CHP1: variants seen among roughly 807,000 people sequenced by gnomAD.
CHP1 encodes the protein calcineurin like EF-hand protein 1.
A neutral mutation model predicts 27.4 loss-of-function variants in CHP1; 11 were observed. That is an observed-to-expected ratio of 0.40 (90% CI 0.25 to 0.67). The LOEUF (loss-of-function observed/expected upper bound fraction) is 0.67, where lower values mean the gene tolerates loss of function less well. CHP1 is among the 30% of genes least tolerant of loss of function. CHP1 has a pLI of 0.38. For synonymous variants in CHP1, 89 were observed against 87.4 expected, an observed-to-expected ratio of 1.02 and a Z score of -0.10; for missense variants, 169 against 251.3, an observed-to-expected ratio of 0.67 and a Z score of 2.22.
chr15:41,268,217 C>T (rs2047471594), intron 4 of CHP1, among the ~76,000 whole-genome samples: 1 of 152,126 alleles, frequency 6.6e-6, no homozygotes, highest in Non-Finnish European at 1.5e-5. Context: ...AGGGAGATGT[C>T]ACTATAGAAA....
Position 41,278,782 on chromosome 15 carries a change from G to A in CHP1, c.427G>A (p.Val143Ile), listed in dbSNP as rs1358596309. Residue 143 changes from valine (V) to isoleucine (I), a missense_variant, in exon 6 of 7, where the codon GTC becomes ATC. Val to Ile is a conservative substitution (Grantham distance 29). Transcript: ENST00000334660. ...DELLQVLRMM[V>I]GVNISDEQLG... ...GGTCTTCCAGGTGCTACGCATGATG[G>A]TCGGAGTAAATATCTCAGATGAGCA... The A allele has an allele frequency of 6.2e-7, 1 of 1,614,132 alleles. No individual in the cohort carries two copies. Among genetic ancestry groups the A allele is most frequent in the Non-Finnish European group, 8.5e-7 (1 of 1,180,024 alleles).
intron 2 of CHP1, among the ~76,000 whole-genome samples, chr15:41,253,701 G>A (rs942600510): frequency 2.0e-5 from 3 of 151,590 alleles, no homozygotes; most frequent in Non-Finnish European, 4.4e-5. Context: ...TGATCCTCCC[G>A]CCTCGGCCTC....
chr15:41,273,211 AT>A (rs2047500414), intron 5 of CHP1, among the ~76,000 whole-genome samples: 2 of 152,134 alleles, frequency 1.3e-5, no homozygotes, highest in Admixed American at 1.3e-4. Flanking sequence ...CCAAGGATGT[AT>A]TATAGCCAAG....
rs754853822 is a variant in CHP1, at chr15:41,262,819, T to C, written c.285T>C (p.Asp95=). The C allele has an allele frequency of 1.2e-6, 2 of 1,614,008 alleles. No homozygotes were observed. The highest frequency in any genetic ancestry group is 3.3e-5 in the Admixed American group (2 of 60,018). The change falls in exon 4 of 7, where the codon GAT becomes GAC. Residue 95 remains aspartate (D), a synonymous_variant. Coordinates refer to ENST00000334660, the MANE Select transcript of CHP1 (RefSeq NM_007236.5). ...TGGCTCATTTCCGCCCCATTGAGGA[T>C]AATGAAAAGAGCAAAGATGTGAATG... ...RTLAHFRPIE[D]NEKSKDVNGP... is the part of the protein sequence containing the mutation.
chr15:41,240,945 C>G (rs2047303994), intron 1 of CHP1, among the ~76,000 whole-genome samples: 1 of 151,884 alleles, frequency 6.6e-6, no homozygotes, highest in Admixed American at 6.6e-5. Flanking sequence ...CTTCGCCTCC[C>G]TGGTTCAAGT....
chr15:41,273,603 TCTC>T (rs969818743), intron 5 of CHP1, among the ~76,000 whole-genome samples: 1 of 151,550 alleles, frequency 6.6e-6, no homozygotes, highest in Admixed American at 6.6e-5. Context: ...GTGGTGTCGA[TCTC>T]CTGACTTCAG....
At chr15:41,270,821 A>G (rs1185804060) in intron 5 of CHP1, among the ~76,000 whole-genome samples, 1 of 152,150 alleles carries the variant, frequency 6.6e-6, no homozygotes, top group Non-Finnish European at 1.5e-5. Context: ...CCACTATTTA[A>G]AAGCTAACTA....
intron 4 of CHP1, among the ~76,000 whole-genome samples, chr15:41,269,171 C>G (rs921160784): frequency 4.0e-5 from 6 of 151,598 alleles, no homozygotes; most frequent in African/African-American, 1.2e-4. Flanking sequence ...CTACTGCACT[C>G]CAGCCTGGGA....
intron 3 of CHP1, among the ~76,000 whole-genome samples, chr15:41,260,395 T>G (rs2047426617): frequency 2.8e-5 from 1 of 35,558 alleles, no homozygotes; most frequent in South Asian, 1.1e-3. Flanking sequence ...CTTTCAAAAC[T>G]TTTTTTTTTT....
At chr15:41,273,961 C>CT (rs976865573) in intron 5 of CHP1, among the ~76,000 whole-genome samples, 11 of 149,380 alleles carry the variant, frequency 7.4e-5, no homozygotes, top group Non-Finnish European at 1.0e-4. Context: ...TAATAAACTT[C>CT]TTTTTTTTTA....
intron 1 of CHP1, among the ~76,000 whole-genome samples, chr15:41,240,196 G>T (rs899841043): frequency 1.3e-5 from 2 of 151,212 alleles, no homozygotes; most frequent in African/African-American, 4.9e-5. Flanking sequence ...TTTTTATTTT[G>T]TTCCCCAGCC....
rs776293291 is a variant in CHP1, at chr15:41,262,850, G to A, written c.316G>A (p.Glu106Lys). The change falls in exon 4 of 7, where the codon GAA (glutamate) becomes AAA (lysine). Residue 106 changes from glutamate to lysine, a missense_variant. Glu to Lys is a moderately conservative substitution (Grantham distance 56). Coordinates refer to ENST00000334660, the MANE Select transcript of CHP1 (RefSeq NM_007236.5). ...AAAGAGCAAAGATGTGAATGGACCC[G>A]AACCACTCAACAGCCGAAGCAACAA... ...NEKSKDVNGP[E>K]PLNSRSNKLH... 55 of 1,613,946 alleles carry A rather than the reference G, an allele frequency of 3.4e-5. No individual in the cohort carries two copies. Among genetic ancestry groups the A allele is most frequent in the Non-Finnish European group, 4.7e-5 (55 of 1,180,024 alleles).
At chr15:41,266,531 T>C (rs535948662) in intron 4 of CHP1, among the ~76,000 whole-genome samples, 10 of 152,222 alleles carry the variant, frequency 6.6e-5, no homozygotes, top group Admixed American at 2.0e-4. Context: ...ATTAGAATAT[T>C]TTTCTTGGGT....
intron 4 of CHP1, among the ~76,000 whole-genome samples, chr15:41,268,306 C>T (rs1387452810): frequency 6.6e-6 from 1 of 151,828 alleles, no homozygotes; most frequent in Non-Finnish European, 1.5e-5. Context: ...CCTATAATCC[C>T]AGCACTTTGG....
chr15:41,238,528 A>G (rs1052610048), intron 1 of CHP1, among the ~76,000 whole-genome samples: 16 of 152,052 alleles, frequency 1.1e-4, no homozygotes, highest in Non-Finnish European at 2.4e-4. Flanking sequence ...CAGTGGAGAA[A>G]AAATACAGCT....
intron 2 of CHP1, among the ~76,000 whole-genome samples, chr15:41,252,070 A>G (rs1181711102): frequency 6.6e-6 from 1 of 151,542 alleles, no homozygotes; most frequent in African/African-American, 2.4e-5. Flanking sequence ...AAAAATACTG[A>G]TTAAGTGCTT....
intron 4 of CHP1, 54 bp downstream of exon 4, chr15:41,262,937 T>A: frequency 6.2e-7 from 1 of 1,602,146 alleles, no homozygotes; most frequent in Non-Finnish European, 8.5e-7. Context: ...TTCTTAAAAG[T>A]CATGTATTTA....
intron 2 of CHP1, among the ~76,000 whole-genome samples, chr15:41,256,143 T>C (rs2047399688): frequency 6.6e-6 from 1 of 152,204 alleles, no homozygotes; most frequent in African/African-American, 2.4e-5. Flanking sequence ...CAAGTTACTT[T>C]ATCTTCCTGA....
At chr15:41,243,638 C>A in intron 1 of CHP1, 29 bp from the exon 2 acceptor site, 1 of 1,607,002 alleles carries the variant, frequency 6.2e-7, no homozygotes, top group Non-Finnish European at 8.5e-7. Flanking sequence ...CTACTTCCCC[C>A]GAGCTGGGAC....
Sources: allele counts gnomAD v4.1 joint callset (sites outside exome capture counted in the v4.1 genomes callset), GRCh38; gene constraint gnomAD v4.1.1; transcripts MANE v1.5; gene names NCBI Gene and HGNC (gene_info 2026-07-23, HGNC 2026-07-21).